Variants in MTAP observed in about 807,000 individuals in gnomAD.
MTAP encodes the protein methylthioadenosine phosphorylase.
A neutral mutation model predicts 33.6 loss-of-function variants in MTAP; 33 were observed. The observed-to-expected ratio is 0.98, with a 90% confidence interval of 0.74 to 1.31. The LOEUF (loss-of-function observed/expected upper bound fraction) is 1.31. Ranked by LOEUF, MTAP falls within the 40% of genes most tolerant of loss-of-function variation. MTAP has a pLI of 0.00. For missense variants in MTAP, 367 were observed against 360.0 expected (o/e 1.02, Z -0.16); for synonymous variants, 148 against 125.7 (o/e 1.18, Z -1.19).
intron 4 of MTAP, among the ~76,000 whole-genome samples, chr9:21,824,682 A>G (rs913212151): frequency 2.6e-5 from 4 of 152,192 alleles, no homozygotes; most frequent in Non-Finnish European, 5.9e-5. Context: ...TTGTTTGGCT[A>G]TGCCCTGCCC....
intron 1 of MTAP, among the ~76,000 whole-genome samples, chr9:21,912,534 CAT>C (rs1429022606): frequency 6.6e-6 from 1 of 152,172 alleles, no homozygotes; most frequent in African/African-American, 2.4e-5. Flanking sequence ...ACAAAAACCA[CAT>C]GATTATCTCA....
At chr9:21,810,092 C>T (rs1410453918) in intron 1 of MTAP, among the ~76,000 whole-genome samples, 2 of 152,192 alleles carry the variant, frequency 1.3e-5, no homozygotes, top group African/African-American at 4.8e-5. Flanking sequence ...GTTCGCTAGG[C>T]CTGCTATAAC....
In MTAP at chr9:21,802,775, C is replaced by T. The variant is rs758564621; in HGVS notation, c.27C>T (p.Ala9=). The change falls in exon 1 of 8, where the codon GCC becomes GCT. Residue 9 remains alanine, a synonymous_variant. Transcript: ENST00000644715. MASGTTTT[A]VKIGIIGGTG... The stretch of plus-strand genomic sequence containing the variant: ...TGGCCTCTGGCACCACCACCACCGC[C>T]GTGAAGGTGAGATGAGCCCTCCCAG... The T allele has an allele frequency of 1.9e-5, 30 of 1,613,238 alleles. No individual in the cohort carries two copies. The highest frequency in any genetic ancestry group is 2.5e-5 in the Non-Finnish European group (29 of 1,179,886).
chr9:21,909,314 C>G (rs113127119), intron 1 of MTAP, among the ~76,000 whole-genome samples: 32 of 151,858 alleles, frequency 2.1e-4, no homozygotes, highest in African/African-American at 7.7e-4. Flanking sequence ...TCCTTCCTGC[C>G]GTGAATAAGA....
Position 21,864,154 on chromosome 9 carries a change from G to C in MTAP, c.*2140G>C. The C allele has an allele frequency of 1.0e-6, 1 of 985,376 alleles. No individual in the cohort carries two copies. The highest frequency in any genetic ancestry group is 1.2e-6 in the Non-Finnish European group (1 of 829,932). 61.0% of individuals were successfully genotyped at this position (985,376 alleles called of 1,614,324 possible). On this transcript the variant is annotated 3_prime_UTR_variant, in exon 8 of 8. Coordinates refer to ENST00000644715, the MANE Select transcript of MTAP (RefSeq NM_002451.4). ...AGTACAGTTCTCTCCAACTTGCAGAGGTACTTTTCTTGATTAAATAGCCTT... is the reference window on the plus strand; with the variant it reads ...AGTACAGTTCTCTCCAACTTGCAGACGTACTTTTCTTGATTAAATAGCCTT...
intron 4 of MTAP, among the ~76,000 whole-genome samples, chr9:21,830,168 A>G (rs926670726): frequency 6.6e-6 from 1 of 152,240 alleles, no homozygotes; most frequent in African/African-American, 2.4e-5. Context: ...AGAAAGCAAC[A>G]TATATCTTGG....
chr9:21,844,634 G>T (rs1256134776), intron 5 of MTAP, among the ~76,000 whole-genome samples: 2 of 152,108 alleles, frequency 1.3e-5, no homozygotes, highest in Non-Finnish European at 2.9e-5. Flanking sequence ...AAAATCACAT[G>T]GTCATCTCAA....
At chr9:21,830,399 C>G (rs185669211) in intron 4 of MTAP, among the ~76,000 whole-genome samples, 251 of 152,266 alleles carry the variant, frequency 1.6e-3, no homozygotes, top group African/African-American at 5.7e-3. Flanking sequence ...ATGCCTCCTG[C>G]TGGATTGTGT....
intron 1 of MTAP, chr9:21,930,474 A>G (rs1276830842): frequency 2.2e-5 from 5 of 225,454 alleles, no homozygotes; most frequent in Middle Eastern, 1.6e-3. Context: ...GCACCAATCC[A>G]TGGGAATTCT....
In MTAP at chr9:21,886,833, C is replaced by T. The variant is rs192324102; in HGVS notation, c.147+31963C>T. ...TATACCAGTACCATGCTGTTTTGGT[C>T]ACCATAGCCTTATAGAATAGTTTGA... On this transcript the variant is annotated intron_variant, in intron 1 of 1. Coordinates refer to the MTAP transcript ENST00000577563. Among the ~76,000 whole-genome samples, 284 of 152,248 alleles carry T rather than the reference C, an allele frequency of 1.9e-3. 1 individual carries two copies. The highest frequency in any genetic ancestry group is 4.8e-3 in the Admixed American group (74 of 15,292).
chr9:21,918,823 T>G (rs1167916185), intron 1 of MTAP, among the ~76,000 whole-genome samples: 2 of 152,076 alleles, frequency 1.3e-5, no homozygotes, highest in South Asian at 2.1e-4. Context: ...CTGCCATGAT[T>G]GTGAGGCCTC....
chr9:21,802,988 A>T (rs1824096821), intron 1 of MTAP: 6 of 394,676 alleles, frequency 1.5e-5, no homozygotes, highest in Non-Finnish European at 2.1e-5. Flanking sequence ...CACCGCCAAC[A>T]CACACACACA....
At chr9:21,876,679 G>A (rs1245745818) in intron 1 of MTAP, among the ~76,000 whole-genome samples, 1 of 151,878 alleles carries the variant, frequency 6.6e-6, no homozygotes, top group Non-Finnish European at 1.5e-5. Context: ...AGTTATAGAT[G>A]TGCAGCCTTA....
chr9:21,904,498 C>G (rs1156520896), intron 1 of MTAP, among the ~76,000 whole-genome samples: 1 of 152,084 alleles, frequency 6.6e-6, no homozygotes, highest in Non-Finnish European at 1.5e-5. Flanking sequence ...CATCAAAAAC[C>G]ACTTCTCTGC....
Position 21,883,758 on chromosome 9 carries a change from C to T in MTAP, c.147+28888C>T, listed in dbSNP as rs375675541. 1.6e-4 allele frequency among the ~76,000 whole-genome samples: 24 copies of T among 151,384 alleles called. No individual in the cohort carries two copies. The East Asian group carries it at 4.5e-3, about 28-fold the overall frequency. Reference sequence around the variant, plus strand: ...GTTTCTGAGCAAACAATAGGGAACCCTCTAGTGTACAGGTAGGGAAGCAGG... The same window carrying T: ...GTTTCTGAGCAAACAATAGGGAACCTTCTAGTGTACAGGTAGGGAAGCAGG... On this transcript the variant is annotated intron_variant, in intron 1 of 1. Coordinates refer to the MTAP transcript ENST00000577563.
rs558939406 is a variant in MTAP, at chr9:21,895,821, C to T, written c.148-35187C>T. On this transcript the variant is annotated intron_variant, in intron 1 of 1. Coordinates refer to the MTAP transcript ENST00000577563. Reference sequence around the variant, plus strand: ...AAACAAAGCGGCCAGGAAGCTCCAACTGGGTGGAGCCCACCACAGCTCAAG... The same window carrying T: ...AAACAAAGCGGCCAGGAAGCTCCAATTGGGTGGAGCCCACCACAGCTCAAG... Among the ~76,000 whole-genome samples, 150 of 152,198 alleles carry T rather than the reference C, an allele frequency of 9.9e-4. 2 individuals carry two copies. The highest frequency in any genetic ancestry group is 3.2e-3 in the Middle Eastern group (1 of 316).
In MTAP at chr9:21,864,244, C is replaced by T. The variant is rs1340913117; in HGVS notation, c.*2230C>T. The T allele has an allele frequency of 1.3e-5, 13 of 985,296 alleles. No homozygotes were observed. The Admixed American group carries it at 7.4e-4, about 56-fold the overall frequency. The allele number at this position is 985,296 out of a possible 1,614,324, so 61.0% of individuals were successfully genotyped here. The stretch of plus-strand genomic sequence containing the variant: ...GTATACTCTTTTCTTTGTTCTCAAT[C>T]ATTCACTCCTTATGCAAAGCCAATA... On this transcript the variant is annotated 3_prime_UTR_variant, in exon 8 of 8. Coordinates refer to ENST00000644715, the MANE Select transcript of MTAP (RefSeq NM_002451.4).
At chr9:21,829,642 A>G (rs1325818923) in intron 4 of MTAP, among the ~76,000 whole-genome samples, 1 of 151,984 alleles carries the variant, frequency 6.6e-6, no homozygotes. Context: ...AAAAAAAAAA[A>G]TCCTCATCCT....
At chr9:21,804,266 G>A (rs941253811) in intron 1 of MTAP, among the ~76,000 whole-genome samples, 1 of 152,154 alleles carries the variant, frequency 6.6e-6, no homozygotes, top group Non-Finnish European at 1.5e-5. Context: ...TATTGTGTTA[G>A]GTATCATTAG....
Sources: allele counts gnomAD v4.1 joint callset (sites outside exome capture counted in the v4.1 genomes callset), GRCh38; gene constraint gnomAD v4.1.1; transcripts MANE v1.5; gene names NCBI Gene and HGNC (gene_info 2026-07-23, HGNC 2026-07-21).